Variants in MTG2 observed in about 807,000 individuals in gnomAD.
MTG2 encodes mitochondrial ribosome associated GTPase 2.
In MTG2, 23 loss-of-function variants were observed where a neutral mutation model predicts 28.6. The ratio of observed to expected loss-of-function variants is 0.80; its 90% CI spans 0.58 to 1.14. The LOEUF (loss-of-function observed/expected upper bound fraction) is 1.14. Among genes scored for constraint, MTG2 ranks in the 50% most tolerant of loss-of-function variants. The pLI, the probability that MTG2 is intolerant of heterozygous loss-of-function variation, is 0.00. For missense variants in MTG2, 539 were observed against 552.0 expected (o/e 0.98, Z 0.24); for synonymous variants, 260 against 251.8 (o/e 1.03, Z -0.31).
chr20:62,193,295 G>T, intron 1 of MTG2, 121 bp from the exon 2 acceptor site: 1 of 993,690 alleles, frequency 1.0e-6, no homozygotes, highest in Non-Finnish European at 1.5e-6. Context: ...GGATTCATCA[G>T]TTCACTTGTT....
intron 1 of MTG2, among the ~76,000 whole-genome samples, chr20:62,189,279 T>G (rs922427312): frequency 6.0e-5 from 9 of 151,166 alleles, no homozygotes; most frequent in African/African-American, 2.2e-4. Context: ...TGCTCCAGCT[T>G]GGGTGACAGA....
Position 62,201,198 on chromosome 20 carries a change from T to C in MTG2, c.*121T>C. 7.9e-7 allele frequency: 1 copy of C among 1,270,812 alleles called. No homozygotes were observed. The highest frequency in any genetic ancestry group is 2.5e-5 in the East Asian group (1 of 39,514). The allele number at this position is 1,270,812 out of a possible 1,614,324, so 78.7% of individuals were successfully genotyped here. On this transcript the variant is annotated 3_prime_UTR_variant, in exon 7 of 7. Transcript: ENST00000370823. ...GGGAGTTGTGGTGCTTCTGGGTCTC[T>C]GGGCCCCGCCTGCTGGCCTGAGATG...
chr20:62,196,146 T>C (rs900111519), intron 3 of MTG2, among the ~76,000 whole-genome samples, 197 bp downstream of exon 3: 3 of 147,678 alleles, frequency 2.0e-5, no homozygotes, highest in African/African-American at 7.5e-5. Context: ...GACCATGTCT[T>C]TTTTGTTTGT....
Position 62,193,763 on chromosome 20 carries a change from A to C in MTG2, c.204+139A>C, listed in dbSNP as rs562437980. ...TGATGGGGCACGTGGAGCTTCTTGA[A>C]AATGACAGGGTGAAACGCAGGCCTG... On this transcript the variant is annotated intron_variant, in intron 2 of 6. Coordinates refer to ENST00000370823, the MANE Select transcript of MTG2 (RefSeq NM_015666.4). The C allele has an allele frequency of 8.7e-5, 73 of 842,204 alleles. 1 individual carries two copies. In the South Asian group the frequency reaches 1.2e-3, roughly 14 times the overall value. 52.2% of individuals were successfully genotyped at this position (842,204 alleles called of 1,614,324 possible).
intron 3 of MTG2, 192 bp from the exon 4 acceptor site, chr20:62,197,660 G>A: frequency 1.7e-6 from 1 of 572,682 alleles, no homozygotes; most frequent in South Asian, 2.2e-5. Flanking sequence ...TTTCAGAAAT[G>A]ATAGCACTTT....
intron 6 of MTG2, among the ~76,000 whole-genome samples, 191 bp from the exon 7 acceptor site, chr20:62,200,492 C>T (rs939438428): frequency 6.6e-6 from 1 of 152,056 alleles, no homozygotes; most frequent in African/African-American, 2.4e-5. Flanking sequence ...GTCAGTTGGC[C>T]CAGTGAATCA....
In MTG2 at chr20:62,187,033, G is replaced by A. The variant is rs569035892; in HGVS notation, c.-6+3976G>A. Reference sequence around the variant, plus strand: ...GTGATTAGCTGTCGGCCGGCCCTACGTAGTGCCCTTATCAGGGCGAAGATG... The same window carrying A: ...GTGATTAGCTGTCGGCCGGCCCTACATAGTGCCCTTATCAGGGCGAAGATG... On this transcript the variant is annotated intron_variant, in intron 1 of 6. Coordinates refer to ENST00000370823, the MANE Select transcript of MTG2 (RefSeq NM_015666.4). 5.3e-5 allele frequency among the ~76,000 whole-genome samples: 8 copies of A among 152,320 alleles called. No individual in the cohort carries two copies. The South Asian group carries it at 8.3e-4, about 16-fold the overall frequency.
rs2058180073 is a variant in MTG2 at position 62,202,013 on chromosome 20, T to C, written c.*936T>C. 6.6e-6 allele frequency: 1 copy of C among 152,234 alleles called. No homozygotes were observed. Among genetic ancestry groups the C allele is most frequent in the Non-Finnish European group, 1.5e-5 (1 of 68,076 alleles). 9.4% of individuals were successfully genotyped at this position (152,234 alleles called of 1,614,324 possible). ...GGGGATTTAAAGAGAACCCTTGTGCTACGCCAGGCAGTTACCGAGCCGAAG... is the reference window on the plus strand; with the variant it reads ...GGGGATTTAAAGAGAACCCTTGTGCCACGCCAGGCAGTTACCGAGCCGAAG... On this transcript the variant is annotated 3_prime_UTR_variant, in exon 7 of 7. Coordinates refer to ENST00000370823, the MANE Select transcript of MTG2 (RefSeq NM_015666.4).
chr20:62,198,430 G>A (rs1360901173), intron 4 of MTG2, among the ~76,000 whole-genome samples: 1 of 152,224 alleles, frequency 6.6e-6, no homozygotes, highest in Non-Finnish European at 1.5e-5. Flanking sequence ...AGAAGGGTGT[G>A]TACGCAGCCC....
At chr20:62,192,626 A>G (rs1568785026) in intron 1 of MTG2, among the ~76,000 whole-genome samples, 1 of 152,146 alleles carries the variant, frequency 6.6e-6, no homozygotes, top group African/African-American at 2.4e-5. Flanking sequence ...TATGATGACC[A>G]GCCCCCTCCC....
chr20:62,196,932 T>C (rs1365357246), intron 3 of MTG2, among the ~76,000 whole-genome samples: 1 of 152,036 alleles, frequency 6.6e-6, no homozygotes, highest in Non-Finnish European at 1.5e-5. Context: ...CTAGGGAGGC[T>C]GAGGCAGGAG....
chr20:62,195,737 A>T, intron 2 of MTG2, 65 bp from the exon 3 acceptor site: 1 of 1,584,942 alleles, frequency 6.3e-7, no homozygotes, highest in Non-Finnish European at 8.7e-7. Flanking sequence ...TCTCAAATGG[A>T]TGCATGGTGT....
chr20:62,189,322 A>C (rs73137284), intron 1 of MTG2, among the ~76,000 whole-genome samples: 33,960 of 151,762 alleles, frequency 0.22, 3,895 homozygotes, highest in South Asian at 0.26. Flanking sequence ...AAAAAGAAAA[A>C]AAAGTGTCTC....
At position 62,201,407 on chromosome 20, in the gene MTG2, G is replaced by A. The variant is rs569947833; in HGVS notation, c.*330G>A. 181 of 330,782 alleles carry A rather than the reference G, an allele frequency of 5.5e-4. 1 individual carries two copies. The highest frequency in any genetic ancestry group is 3.3e-3 in the African/African-American group (158 of 47,178). 20.5% of individuals were successfully genotyped at this position (330,782 alleles called of 1,614,324 possible). On this transcript the variant is annotated 3_prime_UTR_variant, in exon 7 of 7. Coordinates refer to ENST00000370823, the MANE Select transcript of MTG2 (RefSeq NM_015666.4). ...TGACTCAGGTCTCCGCCATGCACGC[G>A]TGGACTCTCGGATGAGCTCAGCAGA...
At chr20:62,186,800 A>T (rs149928354) in intron 1 of MTG2, among the ~76,000 whole-genome samples, 3,224 of 151,912 alleles carry the variant, frequency 0.021, 57 homozygotes, top group Middle Eastern at 0.037. Context: ...AAGTGCTGGG[A>T]TTACAGGCAT....
At chr20:62,186,602 C>T (rs2145827914) in intron 1 of MTG2, among the ~76,000 whole-genome samples, 2 of 147,726 alleles carry the variant, frequency 1.4e-5, no homozygotes, top group East Asian at 4.0e-4. Flanking sequence ...GATCTCGGCT[C>T]ACGGCAGCGT....
At position 62,201,090 on chromosome 20, in the gene MTG2, G is replaced by C. The variant is rs532198011; in HGVS notation, c.*13G>C. On this transcript the variant is annotated 3_prime_UTR_variant, in exon 7 of 7. Transcript: ENST00000370823. Reference sequence around the variant, plus strand: ...GCTCAGGTGGTAGCCACGCCAGAGCGGGGTCGCCTCTGGGCCTCTGTCTGA... The same window carrying C: ...GCTCAGGTGGTAGCCACGCCAGAGCCGGGTCGCCTCTGGGCCTCTGTCTGA... 5.1e-6 allele frequency: 8 copies of C among 1,576,698 alleles called. No homozygotes were observed. In the South Asian group the frequency reaches 8.0e-5, roughly 16 times the overall value.
rs1031785851 is a variant in MTG2, at chr20:62,203,194, C to G, written c.*2117C>G. The G allele has an allele frequency of 2.6e-5, 4 of 152,138 alleles. No individual in the cohort carries two copies. The highest frequency in any genetic ancestry group is 9.7e-5 in the African/African-American group (4 of 41,400). The allele number at this position is 152,138 out of a possible 1,614,324, so 9.4% of individuals were successfully genotyped here. ...GGCTCAAGATGCCTTGTGGCTCGACCCCTGCACGGAGCCCCCAGCCCAGCC... is the reference window on the plus strand; with the variant it reads ...GGCTCAAGATGCCTTGTGGCTCGACGCCTGCACGGAGCCCCCAGCCCAGCC... On this transcript the variant is annotated 3_prime_UTR_variant, in exon 7 of 7. Coordinates refer to ENST00000370823, the MANE Select transcript of MTG2 (RefSeq NM_015666.4).
At chr20:62,200,603 T>C in intron 6 of MTG2, 80 bp from the exon 7 acceptor site, 26 of 1,490,100 alleles carry the variant, frequency 1.7e-5, no homozygotes, top group Non-Finnish European at 2.2e-5. Flanking sequence ...AGGCCTTCTC[T>C]CCCAGGCTCG....
Sources: gnomAD v4.1 joint callset for allele counts (sites outside exome capture counted in the v4.1 genomes callset) on GRCh38, gnomAD v4.1.1 for gene constraint, MANE v1.5 for transcripts, NCBI Gene and HGNC (gene_info 2026-07-23, HGNC 2026-07-21) for gene names.